The following CERS6 variants were observed in gnomAD, a reference collection of about 807,000 sequenced individuals.
CERS6 encodes LAG1 homolog, ceramide synthase 6.
A neutral mutation model predicts 56.8 loss-of-function variants in CERS6; 26 were observed. That is an observed-to-expected ratio of 0.46 (90% confidence interval 0.34 to 0.63). The LOEUF is 0.63. Among genes scored for constraint, CERS6 ranks in the 30% least tolerant of loss-of-function variants. The probability of loss-of-function intolerance (pLI) is 0.01; values close to 1 mark genes in which losing one functional copy is unlikely to be tolerated. For missense variants in CERS6, 415 were observed against 467.5 expected (o/e 0.89, Z 1.04); for synonymous variants, 164 against 173.3 (o/e 0.95, Z 0.42).
chr2:168,533,281 G>C (rs1480543472), intron 1 of CERS6, among the ~76,000 whole-genome samples: 1 of 152,180 alleles, frequency 6.6e-6, no homozygotes, highest in Non-Finnish European at 1.5e-5. Flanking sequence ...CATAAAATGA[G>C]TTAGGGAGGA....
In CERS6 at chr2:168,730,888, G is replaced by A. The variant is rs1683512295; in HGVS notation, c.845+12910G>A. On this transcript the variant is annotated intron_variant, in intron 8 of 9. Transcript: ENST00000305747. ...TGTGTTGTGATCTGTGAGTTATTCCGAAGTTATGAAGAAATGTAGAATCTA... is the reference window on the plus strand; with the variant it reads ...TGTGTTGTGATCTGTGAGTTATTCCAAAGTTATGAAGAAATGTAGAATCTA... Among the ~76,000 whole-genome samples, 4 of 152,054 alleles carry A rather than the reference G, an allele frequency of 2.6e-5. No individual in the cohort carries two copies. In the South Asian group the frequency reaches 8.3e-4, roughly 32 times the overall value.
chr2:168,540,861 T>G (rs1180916675), intron 1 of CERS6, among the ~76,000 whole-genome samples: 1 of 152,258 alleles, frequency 6.6e-6, no homozygotes, highest in Non-Finnish European at 1.5e-5. Context: ...TACAGTTTAC[T>G]TCTCTGTAGG....
chr2:168,569,339 C>T (rs1184986616), intron 3 of CERS6, among the ~76,000 whole-genome samples: 1 of 152,186 alleles, frequency 6.6e-6, no homozygotes, highest in African/African-American at 2.4e-5. Flanking sequence ...AGGGCTTCAA[C>T]GTATGTGTTC....
intron 1 of CERS6, among the ~76,000 whole-genome samples, chr2:168,486,518 GGTTTTGTTTTTTTTT>G (rs1448851721): frequency 7.3e-6 from 1 of 136,258 alleles, no homozygotes; most frequent in Non-Finnish European, 1.6e-5. Flanking sequence ...GTCTAGATTT[GGTTTTGTTTTTTTTT>G]TTTTTGCCTA....
At chr2:168,725,564 A>G (rs766377922) in intron 8 of CERS6, among the ~76,000 whole-genome samples, 2 of 152,282 alleles carry the variant, frequency 1.3e-5, no homozygotes, top group African/African-American at 4.8e-5. Context: ...TTTCATATCA[A>G]TATCTTTTTC....
chr2:168,765,040 G>A (rs1348918191), intron 8 of CERS6, among the ~76,000 whole-genome samples: 1 of 152,180 alleles, frequency 6.6e-6, no homozygotes, highest in African/African-American at 2.4e-5. Context: ...AAAAAGGAAG[G>A]AAATTCTGAC....
intron 1 of CERS6, among the ~76,000 whole-genome samples, chr2:168,493,770 C>A (rs1235966532): frequency 6.6e-6 from 1 of 151,924 alleles, no homozygotes; most frequent in Non-Finnish European, 1.5e-5. Flanking sequence ...TTTGGTGAGA[C>A]ACCCACATAA....
chr2:168,487,117 A>G (rs1421319184), intron 1 of CERS6, among the ~76,000 whole-genome samples: 5 of 152,188 alleles, frequency 3.3e-5, no homozygotes, highest in African/African-American at 1.2e-4. Flanking sequence ...TTGTTTTTAA[A>G]TCACATCACA....
chr2:168,620,353 T>C (rs191787208), intron 3 of CERS6, among the ~76,000 whole-genome samples: 1 of 151,962 alleles, frequency 6.6e-6, no homozygotes, highest in Non-Finnish European at 1.5e-5. Flanking sequence ...TGCACCAAAG[T>C]CTCACAAATT....
chr2:168,702,359 C>G (rs998278128), intron 6 of CERS6, among the ~76,000 whole-genome samples: 1 of 152,092 alleles, frequency 6.6e-6, no homozygotes, highest in African/African-American at 2.4e-5. Flanking sequence ...TGTGGTTATT[C>G]CAACTTGTGT....
Position 168,464,848 on chromosome 2 carries a change from G to A in CERS6, c.170+8230G>A, listed in dbSNP as rs140581922. 5.3e-5 allele frequency among the ~76,000 whole-genome samples: 8 copies of A among 152,276 alleles called. No homozygotes were observed. In the East Asian group the frequency reaches 1.2e-3, roughly 22 times the overall value. On this transcript the variant is annotated intron_variant, in intron 1 of 9. Coordinates refer to ENST00000305747, the MANE Select transcript of CERS6 (RefSeq NM_203463.3). ...ACAAATCAAAACCACTATGAGATACGCATTAGGATGGCTGCTATCAAAACA... is the reference window on the plus strand; with the variant it reads ...ACAAATCAAAACCACTATGAGATACACATTAGGATGGCTGCTATCAAAACA...
chr2:168,577,487 T>A (rs1300539084), intron 3 of CERS6, among the ~76,000 whole-genome samples: 2 of 151,702 alleles, frequency 1.3e-5, no homozygotes, highest in African/African-American at 2.4e-5. Flanking sequence ...GGGTTAAGGA[T>A]TTTTTTTTAA....
At chr2:168,658,260 A>G (rs565175180) in intron 4 of CERS6, among the ~76,000 whole-genome samples, 1 of 152,344 alleles carries the variant, frequency 6.6e-6, no homozygotes, top group East Asian at 1.9e-4. Context: ...CAGTAACTAT[A>G]CAACAGGTTT....
At chr2:168,728,350 G>C (rs1347385830) in intron 8 of CERS6, among the ~76,000 whole-genome samples, 2 of 141,828 alleles carry the variant, frequency 1.4e-5, no homozygotes, top group Non-Finnish European at 3.1e-5. Context: ...CTTTAAAACT[G>C]TTGTCCACGT....
intron 3 of CERS6, among the ~76,000 whole-genome samples, chr2:168,574,930 T>G (rs766136846): frequency 6.6e-5 from 10 of 152,230 alleles, no homozygotes; most frequent in Admixed American, 5.2e-4. Flanking sequence ...TTTTCCTTCT[T>G]TAAAGAAAAG....
intron 6 of CERS6, among the ~76,000 whole-genome samples, chr2:168,713,829 T>C (rs1048118512): frequency 1.3e-5 from 2 of 152,082 alleles, no homozygotes; most frequent in Admixed American, 6.6e-5. Flanking sequence ...AGAGCCAACA[T>C]GGTAGGATTC....
chr2:168,732,068 T>C (rs1683555050), intron 8 of CERS6, among the ~76,000 whole-genome samples: 1 of 152,188 alleles, frequency 6.6e-6, no homozygotes, highest in Non-Finnish European at 1.5e-5. Flanking sequence ...CTTGAATGTC[T>C]CTCTAAGTAA....
At chr2:168,635,065 G>C (rs567255749) in intron 4 of CERS6, among the ~76,000 whole-genome samples, 3 of 152,264 alleles carry the variant, frequency 2.0e-5, no homozygotes, top group South Asian at 2.1e-4. Flanking sequence ...AATTTACCTC[G>C]AGTGTAAGCT....
chr2:168,717,752 A>G (rs1687261038), intron 7 of CERS6, 120 bp from the exon 8 acceptor site: 1 of 637,710 alleles, frequency 1.6e-6, no homozygotes. Context: ...AAATGCATAA[A>G]AATGCAGGCA....
Sources: gnomAD v4.1 joint callset for allele counts (sites outside exome capture counted in the v4.1 genomes callset) on GRCh38, gnomAD v4.1.1 for gene constraint, MANE v1.5 for transcripts, NCBI Gene and HGNC (gene_info 2026-07-23, HGNC 2026-07-21) for gene names.